Variants in MLLT3 observed in about 807,000 individuals in gnomAD.
The protein encoded by MLLT3 is MLLT3 super elongation complex subunit, also known as protein AF-9.
Under a neutral mutation model 53.2 loss-of-function variants are expected in MLLT3, and 4 were observed. The observed-to-expected ratio is 0.08, with a 90% CI of 0.04 to 0.17. MLLT3 has a LOEUF of 0.17. Ranked by LOEUF, MLLT3 falls within the 10% of genes least tolerant of loss-of-function variation. The probability of loss-of-function intolerance (pLI) is 1.00; values close to 1 mark genes in which losing one functional copy is unlikely to be tolerated. For missense variants in MLLT3, 569 were observed against 684.0 expected (o/e 0.83, Z 1.87); for synonymous variants, 283 against 230.6 (o/e 1.23, Z -2.06).
intron 5 of MLLT3, among the ~76,000 whole-genome samples, chr9:20,391,603 A>G (rs1167909175): frequency 1.3e-5 from 2 of 152,188 alleles, no homozygotes; most frequent in African/African-American, 4.8e-5. Flanking sequence ...TTTACTGAAT[A>G]TTTTCATGAG....
At chr9:20,520,945 G>C (rs758177905) in intron 2 of MLLT3, among the ~76,000 whole-genome samples, 1 of 152,210 alleles carries the variant, frequency 6.6e-6, no homozygotes, top group Non-Finnish European at 1.5e-5. Context: ...AGTGGAAAAG[G>C]CAGGATTTCT....
At chr9:20,415,028 G>A (rs957285488) in intron 4 of MLLT3, among the ~76,000 whole-genome samples, 1 of 152,070 alleles carries the variant, frequency 6.6e-6, no homozygotes, top group Non-Finnish European at 1.5e-5. Flanking sequence ...AGATTGAGAA[G>A]GAGGCAGAAA....
chr9:20,371,466 C>T (rs1821599992), intron 5 of MLLT3, among the ~76,000 whole-genome samples: 1 of 152,192 alleles, frequency 6.6e-6, no homozygotes, highest in South Asian at 2.1e-4. Flanking sequence ...TAAGTTGAAG[C>T]TAATGCTCAT....
chr9:20,410,816 C>A (rs1352538195), intron 5 of MLLT3: 1 of 152,168 alleles, frequency 6.6e-6, no homozygotes, highest in Admixed American at 6.5e-5. Context: ...AAGACCTATA[C>A]TGAGGCGAGA....
At chr9:20,551,863 G>C (rs1818933622) in intron 2 of MLLT3, among the ~76,000 whole-genome samples, 1 of 152,096 alleles carries the variant, frequency 6.6e-6, no homozygotes, top group Non-Finnish European at 1.5e-5. Context: ...GATTTATGCA[G>C]CAGTAGACTT....
chr9:20,574,284 G>C (rs1180214901), intron 2 of MLLT3, among the ~76,000 whole-genome samples: 1 of 152,142 alleles, frequency 6.6e-6, no homozygotes, highest in Admixed American at 6.6e-5. Flanking sequence ...AATGAATCAT[G>C]TTCAAAGGAA....
At chr9:20,540,781 T>C (rs1818610504) in intron 2 of MLLT3, among the ~76,000 whole-genome samples, 1 of 152,234 alleles carries the variant, frequency 6.6e-6, no homozygotes, top group South Asian at 2.1e-4. Flanking sequence ...CACTCCTCTT[T>C]ACTAATGCAA....
intron 4 of MLLT3, among the ~76,000 whole-genome samples, chr9:20,446,118 T>G (rs1169006971): frequency 1.3e-5 from 2 of 152,204 alleles, no homozygotes; most frequent in African/African-American, 4.8e-5. Context: ...ATCTGTGGAA[T>G]TATTATGATT....
At position 20,620,960 on chromosome 9, in the gene MLLT3, T is replaced by A; in HGVS notation, c.13-126A>T. On this transcript the variant is annotated intron_variant, in intron 1 of 10. Coordinates refer to ENST00000380338, the MANE Select transcript of MLLT3 (RefSeq NM_004529.4). The surrounding 1 kb of genome is among the most constrained non-coding windows in gnomAD (Gnocchi z 6.1). ...CATAAAAGGAAACGGCGGTGCCCTC[T>A]GCATCCACGTTTCACGCGCGTGGGC... is the stretch of plus-strand genomic sequence containing the variant. 1 of 1,109,484 alleles carries A rather than the reference T, an allele frequency of 9.0e-7. No individual in the cohort carries two copies. The highest frequency in any genetic ancestry group is 1.3e-5 in the South Asian group (1 of 76,764). The allele number at this position is 1,109,484 out of a possible 1,614,324, so 68.7% of individuals were successfully genotyped here. A position where few individuals can be genotyped will look rare whatever the true frequency, so the allele number is the denominator to read the frequency against.
intron 4 of MLLT3, among the ~76,000 whole-genome samples, chr9:20,440,363 G>A (rs1007073254): frequency 5.9e-5 from 9 of 152,022 alleles, no homozygotes; most frequent in African/African-American, 1.4e-4. Flanking sequence ...TGCCTACTTC[G>A]AGTCTCAGAC....
chr9:20,431,941 T>G (rs909847531), intron 4 of MLLT3, among the ~76,000 whole-genome samples: 3 of 152,144 alleles, frequency 2.0e-5, no homozygotes, highest in African/African-American at 7.2e-5. Flanking sequence ...AAACATACAT[T>G]TATGGTAAAA....
intron 5 of MLLT3, among the ~76,000 whole-genome samples, chr9:20,411,528 A>C (rs1455228071): frequency 1.3e-5 from 2 of 152,226 alleles, no homozygotes; most frequent in Non-Finnish European, 2.9e-5. Flanking sequence ...ATAGTACCTG[A>C]AAGTCTTTAC....
intron 2 of MLLT3, among the ~76,000 whole-genome samples, chr9:20,615,874 G>GAAAAAAAAAAAAAAAATA (rs1820820669): frequency 7.5e-6 from 1 of 132,616 alleles, no homozygotes; most frequent in Non-Finnish European, 1.6e-5. Flanking sequence ...AAAGAGATTT[G>GAAAAAAAAAAAAAAAATA]AAAAAAAAAA....
At chr9:20,485,072 T>C (rs1314759371) in intron 2 of MLLT3, among the ~76,000 whole-genome samples, 3 of 151,988 alleles carry the variant, frequency 2.0e-5, no homozygotes, top group Admixed American at 6.6e-5. Context: ...CACTACAACC[T>C]CCATCTCCCA....
chr9:20,587,514 C>T (rs1311791884), intron 2 of MLLT3, among the ~76,000 whole-genome samples: 3 of 144,284 alleles, frequency 2.1e-5, no homozygotes, highest in African/African-American at 2.5e-5. Flanking sequence ...ACAATAATGC[C>T]TAAATTCTAA....
Position 20,341,982 on chromosome 9 carries a change from G to T in MLLT3, c.*4461C>A. The T allele has an allele frequency of 4.9e-6, 1 of 204,318 alleles. No homozygotes were observed. Among genetic ancestry groups the T allele is most frequent in the Non-Finnish European group, 1.0e-5 (1 of 99,814 alleles). 12.7% of individuals were successfully genotyped at this position (204,318 alleles called of 1,614,324 possible). ...ACACAGAAGATGGTGTTAGACATGA[G>T]GGACTCCTAAAATGAATGAGGCATG... On this transcript the variant is annotated 3_prime_UTR_variant, in exon 11 of 11. Transcript: ENST00000380338.
chr9:20,622,205 G>A (rs762500044), intron 1 of MLLT3, 40 bp downstream of exon 1: 4 of 1,582,448 alleles, frequency 2.5e-6, no homozygotes. Flanking sequence ...AGGAAGGAAA[G>A]TGGGGGAGGG....
chr9:20,504,670 C>G (rs1825341889), intron 2 of MLLT3, among the ~76,000 whole-genome samples: 1 of 151,856 alleles, frequency 6.6e-6, no homozygotes, highest in African/African-American at 2.4e-5. Flanking sequence ...ATTTATTGTA[C>G]AATATGGTGA....
chr9:20,584,861 G>A (rs1819910501), intron 2 of MLLT3, among the ~76,000 whole-genome samples: 2 of 152,114 alleles, frequency 1.3e-5, no homozygotes, highest in Admixed American at 6.6e-5. Context: ...TCTTTTCATT[G>A]CTAAACAGTA....
Sources: allele counts gnomAD v4.1 joint callset (sites outside exome capture counted in the v4.1 genomes callset), GRCh38; gene constraint gnomAD v4.1.1; non-coding constraint Gnocchi (gnomAD v3.1); transcripts MANE v1.5; gene names NCBI Gene and HGNC (gene_info 2026-07-23, HGNC 2026-07-21).